SEMA3D: variants seen among roughly 807,000 people sequenced by gnomAD.
The protein encoded by SEMA3D is semaphorin 3D, also known as semaphorin-3D.
A neutral mutation model predicts 100.1 loss-of-function variants in SEMA3D; 84 were observed. The observed-to-expected ratio is 0.84, with a 90% CI of 0.70 to 1.01. The LOEUF is 1.01. SEMA3D is among the 50% of genes least tolerant of loss of function. The pLI is 0.00. For missense variants in SEMA3D, 875 were observed against 934.1 expected (o/e 0.94, Z 0.82); for synonymous variants, 312 against 320.7 (o/e 0.97, Z 0.29).
At chr7:85,205,227 T>C in the SEMA3D span, among the ~76,000 whole-genome samples, 1 of 152,128 alleles carries the variant, frequency 6.6e-6, no homozygotes, top group African/African-American at 2.4e-5. Context: ...TCCCACTCCA[T>C]GTGTTGTTTC....
At chr7:85,165,011 A>T (rs1790860370) in intron 1 of SEMA3D, among the ~76,000 whole-genome samples, 1 of 150,836 alleles carries the variant, frequency 6.6e-6, no homozygotes, top group African/African-American at 2.4e-5. Flanking sequence ...CCACCCCACA[A>T]CAGTCCCCAG....
intron 1 of SEMA3D, among the ~76,000 whole-genome samples, chr7:85,181,128 C>T (rs962767217): frequency 6.6e-6 from 1 of 151,954 alleles, no homozygotes. Context: ...ACCTTGATTA[C>T]CTGGCTAAGA....
At chr7:85,164,763 A>T (rs961631116) in intron 1 of SEMA3D, among the ~76,000 whole-genome samples, 3 of 152,120 alleles carry the variant, frequency 2.0e-5, no homozygotes, top group Non-Finnish European at 4.4e-5. Context: ...ACAGTAGGAA[A>T]TTTCAACTTT....
At chr7:85,065,669 A>C in intron 7 of SEMA3D, 117 bp from the exon 8 acceptor site, 1 of 730,516 alleles carries the variant, frequency 1.4e-6, no homozygotes, top group Non-Finnish European at 2.2e-6. Context: ...ATCAGAATGT[A>C]TTGTTTCATA....
chr7:85,089,073 C>T (rs984393336), intron 4 of SEMA3D, among the ~76,000 whole-genome samples: 14 of 152,124 alleles, frequency 9.2e-5, no homozygotes, highest in Non-Finnish European at 1.8e-4. Flanking sequence ...AATCAGAACA[C>T]GTGAATGTGA....
chr7:85,161,506 C>T (rs1182358199), intron 1 of SEMA3D, among the ~76,000 whole-genome samples: 1 of 152,018 alleles, frequency 6.6e-6, no homozygotes, highest in Non-Finnish European at 1.5e-5. Context: ...CACCCATGGC[C>T]TCTGGAGGGG....
At chr7:85,219,223 A>G in the SEMA3D span, among the ~76,000 whole-genome samples, 1 of 152,136 alleles carries the variant, frequency 6.6e-6, no homozygotes, top group African/African-American at 2.4e-5. Context: ...TGTTCTCCAG[A>G]GCCCACAGAG....
At chr7:85,010,747 GCTTT>G (rs2115774180) in intron 17 of SEMA3D, among the ~76,000 whole-genome samples, 1 of 151,882 alleles carries the variant, frequency 6.6e-6, no homozygotes, top group African/African-American at 2.4e-5. Context: ...TGCTAATTAG[GCTTT>G]CAAGTGGAGC....
intron 1 of SEMA3D, among the ~76,000 whole-genome samples, chr7:85,181,353 C>CAA (rs1468404080): frequency 7.8e-6 from 1 of 128,996 alleles, no homozygotes; most frequent in African/African-American, 2.7e-5. Flanking sequence ...CACACACACA[C>CAA]ACACACACAT....
chr7:85,067,273 C>T (rs1334814880), intron 7 of SEMA3D, among the ~76,000 whole-genome samples: 2 of 152,092 alleles, frequency 1.3e-5, no homozygotes, highest in African/African-American at 4.8e-5. Flanking sequence ...ACAACTGCCG[C>T]CAATCTATTG....
At chr7:85,151,661 A>T (rs1790425054) in intron 2 of SEMA3D, 2 of 980,618 alleles carry the variant, frequency 2.0e-6, no homozygotes, top group Non-Finnish European at 1.2e-6. Context: ...AGTATATTAT[A>T]GTGTATTTAG....
intron 3 of SEMA3D, among the ~76,000 whole-genome samples, chr7:85,099,714 T>C (rs1475122253): frequency 6.6e-6 from 1 of 151,966 alleles, no homozygotes; most frequent in African/African-American, 2.4e-5. Context: ...TTTTCGATTT[T>C]GGCCATTCCA....
At chr7:85,163,620 T>C (rs1377041687) in intron 1 of SEMA3D, among the ~76,000 whole-genome samples, 1 of 152,128 alleles carries the variant, frequency 6.6e-6, no homozygotes, top group African/African-American at 2.4e-5. Flanking sequence ...ACTTAAAATT[T>C]ATCTGATCCA....
At chr7:85,182,839 C>G (rs958575385) in intron 1 of SEMA3D, among the ~76,000 whole-genome samples, 9 of 152,152 alleles carry the variant, frequency 5.9e-5, no homozygotes, top group Non-Finnish European at 1.0e-4. Flanking sequence ...TGCTACTTTA[C>G]TTAAGTACTC....
intron 3 of SEMA3D, among the ~76,000 whole-genome samples, chr7:85,110,415 CT>C (rs1414847487): frequency 6.6e-6 from 1 of 151,810 alleles, no homozygotes; most frequent in African/African-American, 2.4e-5. Flanking sequence ...ATTATTTAAT[CT>C]TTCTGGATTT....
chr7:85,033,157 G>T (rs1030202605), intron 12 of SEMA3D, among the ~76,000 whole-genome samples: 1 of 151,988 alleles, frequency 6.6e-6, no homozygotes, highest in Non-Finnish European at 1.5e-5. Flanking sequence ...TTAGATGCAG[G>T]CTATTTGCTA....
chr7:85,246,892 T>C, the SEMA3D span, among the ~76,000 whole-genome samples: 1 of 151,724 alleles, frequency 6.6e-6, no homozygotes, highest in Non-Finnish European at 1.5e-5. Context: ...TAAATAAAAT[T>C]TGATACAATA....
rs768650314 is a variant in SEMA3D at position 85,097,792 on chromosome 7, T to G, written c.312+13A>C. 6.6e-7 allele frequency: 1 copy of G among 1,505,042 alleles called. No homozygotes were observed. Among genetic ancestry groups the G allele is most frequent in the Admixed American group, 1.8e-5 (1 of 56,312 alleles). 93.2% of individuals were successfully genotyped at this position (1,505,042 alleles called of 1,614,324 possible). A position where few individuals can be genotyped will look rare whatever the true frequency, so the allele number is the denominator to read the frequency against. ...AAATGAATTTAACCAAATGTATATATAAATATACTGACCTTCTTAAAATTT... is the reference window on the plus strand; with the variant it reads ...AAATGAATTTAACCAAATGTATATAGAAATATACTGACCTTCTTAAAATTT... On this transcript the variant is annotated intron_variant, in intron 4 of 18. Transcript: ENST00000284136.
At chr7:85,098,064 G>A (rs1788622244) in intron 3 of SEMA3D, 99 bp from the exon 4 acceptor site, 25 of 605,258 alleles carry the variant, frequency 4.1e-5, no homozygotes, top group South Asian at 3.5e-4. Flanking sequence ...AGGAAAGAGA[G>A]AAAAGGAAAG....
Sources: allele counts gnomAD v4.1 joint callset (sites outside exome capture counted in the v4.1 genomes callset), GRCh38; gene constraint gnomAD v4.1.1; transcripts MANE v1.5; gene names NCBI Gene and HGNC (gene_info 2026-07-23, HGNC 2026-07-21).